UNC93A: variants seen among roughly 807,000 people sequenced by gnomAD.
UNC93A encodes the protein N-acetylglucosamine transporter UNC93A.
Under a neutral mutation model 47.5 loss-of-function variants are expected in UNC93A, and 43 were observed. The observed-to-expected ratio is 0.91, with a 90% CI of 0.71 to 1.17. UNC93A has a LOEUF of 1.17. UNC93A is among the 50% of genes most tolerant of loss of function. The pLI is 0.00. For missense variants in UNC93A, 605 were observed against 577.6 expected (o/e 1.05, Z -0.49); for synonymous variants, 280 against 258.0 (o/e 1.09, Z -0.82).
rs560989033 is a variant in UNC93A, at chr6:167,314,731, T to A, written c.1109-456T>A. 5.9e-5 allele frequency among the ~76,000 whole-genome samples: 9 copies of A among 152,296 alleles called. No individual in the cohort carries two copies. The East Asian group carries it at 1.2e-3, about 20-fold the overall frequency. On this transcript the variant is annotated intron_variant, in intron 7 of 7. Coordinates refer to ENST00000230256, the MANE Select transcript of UNC93A (RefSeq NM_018974.4). ...ACTCAAAAGAATGCCACCATTTGTC[T>A]CTTATCTACCCGTGACCCGGAAGCC...
At chr6:167,306,100 G>A in intron 6 of UNC93A, 50 bp downstream of exon 6, 1 of 1,607,714 alleles carries the variant, frequency 6.2e-7, no homozygotes, top group Non-Finnish European at 8.5e-7. Flanking sequence ...ATTTGCAGTA[G>A]CAAAAGCGCA....
intron 7 of UNC93A, among the ~76,000 whole-genome samples, chr6:167,313,016 C>T (rs993831112): frequency 4.6e-5 from 7 of 152,310 alleles, no homozygotes; most frequent in African/African-American, 1.2e-4. Context: ...GCAGTTCCAG[C>T]GGCTTCATCT....
chr6:167,299,333 C>T lies in UNC93A; in HGVS notation c.625+1263C>T, dbSNP rs377433800. On this transcript the variant is annotated intron_variant, in intron 4 of 7. Transcript: ENST00000230256. ...GGGGGTACCAACTCCTGCACTCTGC[C>T]GGGGTCAGAGGTGAGGAGGGTTCGT... 8.6e-5 allele frequency among the ~76,000 whole-genome samples: 13 copies of T among 152,018 alleles called. No homozygotes were observed. The South Asian group carries it at 1.0e-3, about 12-fold the overall frequency.
Position 167,285,155 on chromosome 6 carries a change from G to A in UNC93A, c.-51-6284G>A, listed in dbSNP as rs116922290. ...CACATAGGTGTGTGGTTACCTGCCCGAGAGAGGGTGGCTGACCATCTGGGA... is the reference window on the plus strand; with the variant it reads ...CACATAGGTGTGTGGTTACCTGCCCAAGAGAGGGTGGCTGACCATCTGGGA... On this transcript the variant is annotated intron_variant, in intron 1 of 3. Transcript: ENST00000503433. 4.6e-4 allele frequency among the ~76,000 whole-genome samples: 70 copies of A among 151,952 alleles called. 1 individual carries two copies. The East Asian group carries it at 0.012, about 26-fold the overall frequency.
rs1364512353 is a variant in UNC93A, at chr6:167,307,885, T to C, written c.1083T>C (p.Asp361=). 3 of 1,613,918 alleles carry C rather than the reference T, an allele frequency of 1.9e-6. No homozygotes were observed. The highest frequency in any genetic ancestry group is 2.5e-6 in the Non-Finnish European group (3 of 1,179,856). The change falls in exon 7 of 8, where the codon GAT becomes GAC. Residue 361 remains aspartate (D), a synonymous_variant. Coordinates refer to ENST00000230256, the MANE Select transcript of UNC93A (RefSeq NM_018974.4). The part of the protein sequence containing the change: ...FVFSGLWGVA[D]AVWQTQNNAL... ...TCTCTGGCCTGTGGGGCGTGGCAGATGCCGTCTGGCAGACACAAAACAATG... is the reference window on the plus strand; with the variant it reads ...TCTCTGGCCTGTGGGGCGTGGCAGACGCCGTCTGGCAGACACAAAACAATG...
At chr6:167,296,551 C>T (rs1177038840) in intron 3 of UNC93A, among the ~76,000 whole-genome samples, 3 of 152,240 alleles carry the variant, frequency 2.0e-5, no homozygotes, top group African/African-American at 7.2e-5. Context: ...AGGGCCACGC[C>T]AGTAGAATTT....
At position 167,305,978 on chromosome 6, in the gene UNC93A, A is replaced by T. The variant is rs768670602; in HGVS notation, c.904A>T (p.Thr302Ser). The T allele has an allele frequency of 7.4e-6, 12 of 1,614,184 alleles. No individual in the cohort carries two copies. Residue 302 changes from threonine (T) to serine (S), a missense_variant, in exon 6 of 8, where the codon ACT (threonine) becomes TCT (serine). Thr to Ser is a moderately conservative substitution (Grantham distance 58). Coordinates refer to ENST00000230256, the MANE Select transcript of UNC93A (RefSeq NM_018974.4). ...VGYVMICFSA[T>S]DALCSVLYGK... ...CTACGTGATGATCTGCTTCTCGGCC[A>T]CTGACGCGCTGTGCTCCGTGTTGTA...
At chr6:167,289,656 G>A (rs375789393), upstream of UNC93A, among the ~76,000 whole-genome samples, 564 of 151,974 alleles carry the variant, frequency 3.7e-3, no homozygotes, top group African/African-American at 6.7e-3. Flanking sequence ...GCCAGAGAGC[G>A]AGTCCTAGAG....
intron 1 of UNC93A, among the ~76,000 whole-genome samples, chr6:167,273,043 C>T (rs958407777): frequency 6.6e-6 from 1 of 152,164 alleles, no homozygotes; most frequent in African/African-American, 2.4e-5. Context: ...TTTACAGGCT[C>T]GCCTGCCTGT....
chr6:167,272,704 T>C (rs1369181862), intron 1 of UNC93A, among the ~76,000 whole-genome samples: 2 of 152,208 alleles, frequency 1.3e-5, no homozygotes, highest in African/African-American at 4.8e-5. Flanking sequence ...TTTGAAAATG[T>C]TCTGGTTGAC....
intron 7 of UNC93A, among the ~76,000 whole-genome samples, chr6:167,309,808 C>T (rs571269080): frequency 2.6e-5 from 4 of 152,238 alleles, no homozygotes; most frequent in African/African-American, 7.2e-5. Context: ...TTTAAGGAGC[C>T]GTGTTTCACA....
Position 167,276,995 on chromosome 6 carries a change from G to A in UNC93A, c.-52+5537G>A, listed in dbSNP as rs953748284. Among the ~76,000 whole-genome samples, 13 of 152,218 alleles carry A rather than the reference G, an allele frequency of 8.5e-5. No homozygotes were observed. In the East Asian group the frequency reaches 1.2e-3, roughly 14 times the overall value. ...GGCAGCAGGGAGCCACACAGACAAC[G>A]CCCACCCTCCTGGGACTTGGCAAGC... On this transcript the variant is annotated intron_variant, in intron 1 of 3. Coordinates refer to the UNC93A transcript ENST00000503433.
chr6:167,315,716 A>T lies in UNC93A; in HGVS notation c.*264A>T. ...GCAAAAGAAAAAGGTCTAACGTACA[A>T]TCAGCCAATTAGAATTTGCCTGAAA... is the stretch of plus-strand genomic sequence containing the variant. On this transcript the variant is annotated 3_prime_UTR_variant, in exon 8 of 8. Transcript: ENST00000230256. The T allele has an allele frequency of 2.9e-6, 1 of 349,960 alleles. No individual in the cohort carries two copies. Among genetic ancestry groups the T allele is most frequent in the South Asian group, 3.9e-5 (1 of 25,442 alleles). The allele number at this position is 349,960 out of a possible 1,614,324, so 21.7% of individuals were successfully genotyped here.
chr6:167,288,581 G>T (rs570468298), upstream of UNC93A, among the ~76,000 whole-genome samples: 1 of 152,048 alleles, frequency 6.6e-6, no homozygotes, highest in South Asian at 2.1e-4. Context: ...TCTTTATGTG[G>T]ATAAAAAGAT....
At chr6:167,308,460 G>A (rs1224932266) in intron 7 of UNC93A, among the ~76,000 whole-genome samples, 1 of 152,088 alleles carries the variant, frequency 6.6e-6, no homozygotes, top group Non-Finnish European at 1.5e-5. Flanking sequence ...GCAGCAGGTG[G>A]GGGCCCTGTG....
At chr6:167,273,574 T>C (rs1831489) in intron 1 of UNC93A, among the ~76,000 whole-genome samples, 53,254 of 152,116 alleles carry the variant, frequency 0.35, 9,579 homozygotes, top group South Asian at 0.42. Flanking sequence ...AGATTTATTC[T>C]GAGCCAAACG....
intron 1 of UNC93A, among the ~76,000 whole-genome samples, chr6:167,278,622 G>A (rs1054575686): frequency 6.6e-6 from 1 of 152,184 alleles, no homozygotes; most frequent in African/African-American, 2.4e-5. Flanking sequence ...GCCTTCCAGC[G>A]ACAGGATGCT....
intron 1 of UNC93A, among the ~76,000 whole-genome samples, chr6:167,283,563 T>A (rs915702100): frequency 6.6e-6 from 1 of 151,788 alleles, no homozygotes; most frequent in Non-Finnish European, 1.5e-5. Context: ...GGGAAAGAGG[T>A]GGGTGCAGGT....
In UNC93A at chr6:167,293,495, G is replaced by T. The variant is rs531339057; in HGVS notation, c.88-1022G>T. 3.9e-5 allele frequency among the ~76,000 whole-genome samples: 6 copies of T among 152,256 alleles called. No individual in the cohort carries two copies. The South Asian group carries it at 1.0e-3, about 26-fold the overall frequency. ...TGTCTCTGCTACTCAGGACTGGCAT[G>T]GGCAACACAGAGTGTTCAGATAGAA... On this transcript the variant is annotated intron_variant, in intron 1 of 7. Coordinates refer to ENST00000230256, the MANE Select transcript of UNC93A (RefSeq NM_018974.4).
Sources: allele counts gnomAD v4.1 joint callset (sites outside exome capture counted in the v4.1 genomes callset), GRCh38; gene constraint gnomAD v4.1.1; transcripts MANE v1.5; gene names NCBI Gene and HGNC (gene_info 2026-07-23, HGNC 2026-07-21).